The following ADIPOR1 variants were observed in gnomAD, a reference collection of about 807,000 sequenced individuals.
The protein encoded by ADIPOR1 is adiponectin receptor protein 1.
A neutral mutation model predicts 37.5 loss-of-function variants in ADIPOR1; 15 were observed. The ratio of observed to expected loss-of-function variants is 0.40; its 90% confidence interval spans 0.27 to 0.62. ADIPOR1 has a LOEUF of 0.62. Among genes scored for constraint, ADIPOR1 ranks in the 20% least tolerant of loss-of-function variants. The probability of loss-of-function intolerance (pLI) is 0.42; values close to 1 mark genes in which losing one functional copy is unlikely to be tolerated. For synonymous variants in ADIPOR1, 173 were observed against 173.2 expected, an observed-to-expected ratio of 1.00 and a Z score of 0.01; for missense variants, 286 against 478.0, an observed-to-expected ratio of 0.60 and a Z score of 3.75.
chr1:202,943,799 C>T lies in ADIPOR1; in HGVS notation c.764G>A (p.Trp255Ter). 6.2e-7 allele frequency: 1 copy of T among 1,613,938 alleles called. No homozygotes were observed. The highest frequency in any genetic ancestry group is 8.5e-7 in the Non-Finnish European group (1 of 1,180,026). Residue 255 changes from tryptophan (W) to a stop codon, truncating the protein, a stop_gained, in exon 6 of 8, where the codon TGG becomes TAG. Transcript: ENST00000340990. LOFTEE classifies it high-confidence loss of function. ...GTGCTTAGGAGTGGCAAACCGGTCC[C>T]ACTGCGCCACAATGATGGCAGAAAT... is the stretch of plus-strand genomic sequence containing the variant. ...LGISAIIVAQ[W>*]DRFATPKHRQ... is the part of the protein sequence containing the mutation.
In ADIPOR1 at chr1:202,944,103, G is replaced by T. The variant is rs550842311; in HGVS notation, c.618-158C>A. 1.4e-4 allele frequency: 89 copies of T among 630,984 alleles called. No homozygotes were observed. The South Asian group carries it at 2.1e-3, about 15-fold the overall frequency. The allele number at this position is 630,984 out of a possible 1,614,324, so 39.1% of individuals were successfully genotyped here. Reference sequence around the variant, plus strand: ...CCCATACAATCTATCCTGTATTCTGGATTAAAATTCCACAAGGTCACTTCT... The same window carrying T: ...CCCATACAATCTATCCTGTATTCTGTATTAAAATTCCACAAGGTCACTTCT... On this transcript the variant is annotated intron_variant, in intron 5 of 7. Transcript: ENST00000340990.
chr1:202,944,861 T>C, intron 5 of ADIPOR1, 122 bp downstream of exon 5: 1 of 973,370 alleles, frequency 1.0e-6, no homozygotes, highest in East Asian at 2.4e-5. Flanking sequence ...ACAGAGAGCC[T>C]TTCCTCTGGC....
intron 1 of ADIPOR1, among the ~76,000 whole-genome samples, chr1:202,954,528 A>T (rs1054875054): frequency 7.2e-5 from 11 of 152,182 alleles, no homozygotes; most frequent in African/African-American, 2.4e-4. Context: ...CCAGCTTTCT[A>T]TGTCCTTACG....
In ADIPOR1 at chr1:202,945,060, T is replaced by C. The variant is rs777189732; in HGVS notation, c.540A>G (p.Ala180=). Reference sequence around the variant, plus strand: ...GCCAGGAGAAGCTGAGGCAGAGCACTGCACCCAAAAAGAACATCCCAAAAA... The same window carrying C: ...GCCAGGAGAAGCTGAGGCAGAGCACCGCACCCAAAAAGAACATCCCAAAAA... ...KVVFGMFFLG[A]VLCLSFSWLF... is the part of the protein sequence containing the mutation. The change falls in exon 5 of 8, where the codon GCA becomes GCG. Residue 180 remains alanine, a synonymous_variant. Coordinates refer to ENST00000340990, the MANE Select transcript of ADIPOR1 (RefSeq NM_015999.6). 1.7e-5 allele frequency: 28 copies of C among 1,614,052 alleles called. No individual in the cohort carries two copies. Among genetic ancestry groups the C allele is most frequent in the Non-Finnish European group, 2.0e-5 (24 of 1,180,032 alleles).
rs1195619926 is a variant in ADIPOR1 at position 202,954,961 on chromosome 1, C to CATATAGA, written c.-95+3223_-95+3224insTCTATAT. Among the ~76,000 whole-genome samples the CATATAGA allele has an allele frequency of 1.6e-4, 25 of 152,264 alleles. No homozygotes were observed. In the South Asian group the frequency reaches 5.0e-3, roughly 30 times the overall value. On this transcript the variant is annotated intron_variant, in intron 1 of 7. Coordinates refer to ENST00000340990, the MANE Select transcript of ADIPOR1 (RefSeq NM_015999.6). ...TAGAGAGTCTATGGGTAGCCTCTAT[C>CATATAGA]CATACCTAGCTTGATTCTTGTCCTA...
chr1:202,944,934 G>T, intron 5 of ADIPOR1, 49 bp downstream of exon 5: 1 of 1,519,338 alleles, frequency 6.6e-7, no homozygotes, highest in South Asian at 1.3e-5. Context: ...GGGATCTCAA[G>T]ATGTGACAAC....
chr1:202,948,315 ACT>A lies in ADIPOR1; in HGVS notation c.245_246del (p.Glu82ValfsTer16). 1 of 1,609,890 alleles carries A rather than the reference ACT, an allele frequency of 6.2e-7. No individual in the cohort carries two copies. Among genetic ancestry groups the A allele is most frequent in the Non-Finnish European group, 8.5e-7 (1 of 1,177,912 alleles). ...QAHHAMEKME[E>X]FVYKVWEGRW... is the part of the protein sequence containing the mutation. ...CTCATAGGCCATACCTTGTACACAA[ACT>A]CTTCCATCTTCTCCATGGCGTGGTG... On this transcript the variant is annotated frameshift_variant, in exon 3 of 8. Transcript: ENST00000340990. LOFTEE classifies it high-confidence loss of function.
intron 2 of ADIPOR1, 137 bp downstream of exon 2, chr1:202,950,793 T>A (rs150552133): frequency 4.2e-6 from 5 of 1,202,578 alleles, no homozygotes; most frequent in African/African-American, 1.5e-5. Flanking sequence ...TATAACAGTA[T>A]CATAGGGACT....
At chr1:202,952,453 C>A (rs961335179) in intron 1 of ADIPOR1, among the ~76,000 whole-genome samples, 19 of 152,178 alleles carry the variant, frequency 1.2e-4, no homozygotes, top group South Asian at 2.1e-4. Context: ...ATACAAATAT[C>A]TTTGATATCT....
chr1:202,955,937 G>A (rs902614053), intron 1 of ADIPOR1, among the ~76,000 whole-genome samples: 6 of 152,144 alleles, frequency 3.9e-5, no homozygotes, highest in Admixed American at 6.5e-5. Flanking sequence ...CACCACATCC[G>A]GATAATTTTT....
chr1:202,958,343 C>T (rs1654870905), upstream of ADIPOR1: 1 of 152,534 alleles, frequency 6.6e-6, no homozygotes, highest in African/African-American at 2.4e-5. Flanking sequence ...GCGTCACCTC[C>T]TCGCGGGCTC....
At position 202,958,308 on chromosome 1, in the gene ADIPOR1, G is replaced by A. The variant is rs377656058; in HGVS notation, c.-218C>T. On this transcript the variant is annotated 5_prime_UTR_variant, in exon 1 of 8. Coordinates refer to ENST00000340990, the MANE Select transcript of ADIPOR1 (RefSeq NM_015999.6). ...CCTCCCCGCGCCGGAAGGGGCGCGC[G>A]ACCTCCCGCGTCACCTCCGCAGCCG... The A allele has an allele frequency of 6.6e-6, 1 of 152,184 alleles. No homozygotes were observed. The highest frequency in any genetic ancestry group is 1.5e-5 in the Non-Finnish European group (1 of 68,082). 9.4% of individuals were successfully genotyped at this position (152,184 alleles called of 1,614,324 possible).
At chr1:202,954,580 C>T (rs1273169297) in intron 1 of ADIPOR1, among the ~76,000 whole-genome samples, 1 of 152,186 alleles carries the variant, frequency 6.6e-6, no homozygotes, top group Non-Finnish European at 1.5e-5. Flanking sequence ...TTGCCACACC[C>T]AATACTGCAA....
intron 1 of ADIPOR1, among the ~76,000 whole-genome samples, chr1:202,956,909 G>C (rs1654807778): frequency 6.6e-6 from 1 of 152,168 alleles, no homozygotes; most frequent in African/African-American, 2.4e-5. Context: ...GCAAAGTCTT[G>C]ACCATTGAGA....
intron 4 of ADIPOR1, 33 bp from the exon 5 acceptor site, chr1:202,945,202 G>A (rs1553242757): frequency 2.0e-6 from 3 of 1,534,236 alleles, no homozygotes; most frequent in Non-Finnish European, 1.8e-6. Context: ...AAACCTGTAA[G>A]AAAAAAGGGA....
At position 202,942,018 on chromosome 1, in the gene ADIPOR1, T is replaced by C. The variant is rs776748107; in HGVS notation, c.999+7A>G. The C allele has an allele frequency of 3.7e-6, 6 of 1,608,696 alleles. No individual in the cohort carries two copies. Among genetic ancestry groups the C allele is most frequent in the Non-Finnish European group, 5.1e-6 (6 of 1,176,804 alleles). Reference sequence around the variant, plus strand: ...TCACAGGACCTGCTGGAAGATTCATTTCTTACCCATATGTCAAATTTTCCA... The same window carrying C: ...TCACAGGACCTGCTGGAAGATTCATCTCTTACCCATATGTCAAATTTTCCA... On this transcript the variant is annotated splice_region_variant and intron_variant, in intron 7 of 7. Transcript: ENST00000340990.
chr1:202,944,102 G>A, intron 5 of ADIPOR1, 157 bp from the exon 6 acceptor site: 1 of 632,186 alleles, frequency 1.6e-6, no homozygotes, highest in East Asian at 2.8e-5. Flanking sequence ...CCTGTATTCT[G>A]GATTAAAATT....
intron 1 of ADIPOR1, among the ~76,000 whole-genome samples, 151 bp from the exon 2 acceptor site, chr1:202,951,315 C>T (rs1428456693): frequency 1.3e-5 from 2 of 152,114 alleles, no homozygotes; most frequent in Non-Finnish European, 2.9e-5. Context: ...CTATTCCTGT[C>T]CTCCCTCTTT....
At chr1:202,946,143 C>T (rs182112277) in intron 4 of ADIPOR1, among the ~76,000 whole-genome samples, 4 of 152,210 alleles carry the variant, frequency 2.6e-5, no homozygotes, top group Admixed American at 1.3e-4. Flanking sequence ...GAAATGTTGG[C>T]ATTTTACTTT....
Sources: gnomAD v4.1 joint callset for allele counts (sites outside exome capture counted in the v4.1 genomes callset) on GRCh38, gnomAD v4.1.1 for gene constraint, MANE v1.5 for transcripts, NCBI Gene and HGNC (gene_info 2026-07-23, HGNC 2026-07-21) for gene names.